SRRM4: variants seen among roughly 807,000 people sequenced by gnomAD.
SRRM4 encodes the protein serine/arginine repetitive matrix protein 4.
SRRM4 carries 33 observed loss-of-function variants against 68.9 expected under a neutral mutation model. That is an observed-to-expected ratio of 0.48 (90% CI 0.36 to 0.64). The LOEUF (loss-of-function observed/expected upper bound fraction) is 0.64. SRRM4 is among the 30% of genes least tolerant of loss of function. SRRM4 has a pLI of 0.00. For synonymous variants in SRRM4, 318 were observed against 318.8 expected, an observed-to-expected ratio of 1.00 and a Z score of 0.03; for missense variants, 817 against 827.1, an observed-to-expected ratio of 0.99 and a Z score of 0.15.
intron 1 of SRRM4, among the ~76,000 whole-genome samples, chr12:119,042,293 AAGG>A (rs1953674806): frequency 6.6e-6 from 1 of 151,728 alleles, no homozygotes; most frequent in Non-Finnish European, 1.5e-5. Context: ...TGGGAGAGGA[AAGG>A]AGGAGGGGTC....
rs150481549 is a variant in SRRM4 at position 118,983,461 on chromosome 12, G to A, written c.131+1448G>A. Among the ~76,000 whole-genome samples, 597 of 152,322 alleles carry A rather than the reference G, an allele frequency of 3.9e-3. 2 individuals are homozygous for A. The highest frequency in any genetic ancestry group is 0.014 in the African/African-American group (564 of 41,562). On this transcript the variant is annotated intron_variant, in intron 1 of 12. Coordinates refer to ENST00000267260, the MANE Select transcript of SRRM4 (RefSeq NM_194286.4). The stretch of plus-strand genomic sequence containing the variant: ...TTAAAGGCTGATGCTTCTCTGCTCC[G>A]AAGGAGGTTCTGTGTATAGAGTTTT...
intron 1 of SRRM4, among the ~76,000 whole-genome samples, chr12:119,016,008 A>G (rs746125091): frequency 2.0e-5 from 3 of 152,066 alleles, no homozygotes; most frequent in Non-Finnish European, 4.4e-5. Flanking sequence ...ATTAGTTAAG[A>G]TGAGGTCACA....
At chr12:119,040,434 T>C (rs1034008925) in intron 1 of SRRM4, among the ~76,000 whole-genome samples, 1 of 152,316 alleles carries the variant, frequency 6.6e-6, no homozygotes, top group South Asian at 2.1e-4. Flanking sequence ...CACATATCAG[T>C]GAGAACATAT....
In SRRM4 at chr12:119,133,025, A is replaced by G. The variant is rs147510417; in HGVS notation, c.771+2191A>G. On this transcript the variant is annotated intron_variant, in intron 8 of 12. Transcript: ENST00000267260. Reference sequence around the variant, plus strand: ...TCAGAAGGCAGCTGTTGAGCCCAGTACTTGATACAGGTGCAAAACTTGACA... The same window carrying G: ...TCAGAAGGCAGCTGTTGAGCCCAGTGCTTGATACAGGTGCAAAACTTGACA... The G allele has an allele frequency of 2.2e-4, 33 of 152,320 alleles. No individual in the cohort carries two copies. In the East Asian group the frequency reaches 6.4e-3, roughly 29 times the overall value. The allele number at this position is 152,320 out of a possible 1,614,324, so 9.4% of individuals were successfully genotyped here. A position where few individuals can be genotyped will look rare whatever the true frequency, so the allele number is the denominator to read the frequency against.
At chr12:119,155,407 A>C (rs1954465572) in intron 12 of SRRM4, among the ~76,000 whole-genome samples, 1 of 152,228 alleles carries the variant, frequency 6.6e-6, no homozygotes, top group African/African-American at 2.4e-5. Context: ...TGTTTCCCAG[A>C]TAGCAAGGCT....
At chr12:119,156,470 T>C (rs1592919921) in intron 12 of SRRM4, 25 bp from the exon 13 acceptor site, 1 of 1,566,842 alleles carries the variant, frequency 6.4e-7, no homozygotes, top group South Asian at 1.2e-5. Flanking sequence ...CCGGCCCTCA[T>C]CCCTCCTCTC....
intron 8 of SRRM4, among the ~76,000 whole-genome samples, chr12:119,145,136 A>G (rs1266645418): frequency 6.6e-6 from 1 of 151,688 alleles, no homozygotes; most frequent in Non-Finnish European, 1.5e-5. Context: ...TCTGAATCGC[A>G]TGCTTTTTCT....
At chr12:119,064,870 G>GA (rs1953835893) in intron 1 of SRRM4, among the ~76,000 whole-genome samples, 1 of 151,970 alleles carries the variant, frequency 6.6e-6, no homozygotes, top group Non-Finnish European at 1.5e-5. Flanking sequence ...GTATTGTCAG[G>GA]AAAAAACACA....
intron 1 of SRRM4, among the ~76,000 whole-genome samples, chr12:119,012,417 A>C (rs1334537101): frequency 1.3e-5 from 2 of 152,194 alleles, no homozygotes; most frequent in Non-Finnish European, 2.9e-5. Context: ...TCAGAGACAA[A>C]GCTTTCTGTG....
At chr12:119,023,346 C>T (rs1468277460) in intron 1 of SRRM4, among the ~76,000 whole-genome samples, 1 of 152,170 alleles carries the variant, frequency 6.6e-6, no homozygotes, top group African/African-American at 2.4e-5. Context: ...CAGCTTAGTA[C>T]CTGAGAGGGA....
chr12:119,043,653 G>A (rs1360561469), intron 1 of SRRM4, among the ~76,000 whole-genome samples: 1 of 152,024 alleles, frequency 6.6e-6, no homozygotes, highest in Non-Finnish European at 1.5e-5. Flanking sequence ...AATAGATGTG[G>A]AGAGACAATG....
chr12:119,115,299 C>T (rs73213758), intron 3 of SRRM4, among the ~76,000 whole-genome samples: 11,330 of 152,060 alleles, frequency 0.075, 468 homozygotes, highest in Admixed American at 0.1. Flanking sequence ...ATTTTTTCTA[C>T]GTCCAATTCC....
intron 8 of SRRM4, among the ~76,000 whole-genome samples, chr12:119,136,746 T>G (rs926466884): frequency 8.5e-5 from 13 of 152,104 alleles, no homozygotes; most frequent in Middle Eastern, 3.2e-3. Context: ...CGGTGGGGAT[T>G]TCTGAGAACA....
intron 1 of SRRM4, among the ~76,000 whole-genome samples, chr12:118,998,754 A>G (rs1230410427): frequency 6.6e-6 from 1 of 152,252 alleles, no homozygotes; most frequent in Non-Finnish European, 1.5e-5. Flanking sequence ...TAGAAATGTC[A>G]ATAGAGAAAC....
chr12:119,062,112 T>C (rs1305267349), intron 1 of SRRM4, among the ~76,000 whole-genome samples: 1 of 152,250 alleles, frequency 6.6e-6, no homozygotes, highest in Non-Finnish European at 1.5e-5. Flanking sequence ...AGCATGTTAC[T>C]ATACTGAATT....
At chr12:119,065,437 T>C (rs1953839790) in intron 1 of SRRM4, among the ~76,000 whole-genome samples, 2 of 152,062 alleles carry the variant, frequency 1.3e-5, no homozygotes, top group Non-Finnish European at 2.9e-5. Flanking sequence ...GAGTAGGAGT[T>C]TAAAAAAATC....
At chr12:119,019,956 C>CT (rs1265869817) in intron 1 of SRRM4, among the ~76,000 whole-genome samples, 4 of 79,316 alleles carry the variant, frequency 5.0e-5, no homozygotes, top group African/African-American at 1.2e-4. Flanking sequence ...CGCTCCCCCC[C>CT]CCCCCAAAAA....
chr12:119,059,259 T>TATTCATTC (rs139267945), intron 1 of SRRM4, among the ~76,000 whole-genome samples: 2 of 152,064 alleles, frequency 1.3e-5, no homozygotes, highest in East Asian at 1.9e-4. Context: ...ATGCTGCTTT[T>TATTCATTC]ATTCATTCAT....
chr12:119,037,439 A>G (rs953540645), intron 1 of SRRM4, among the ~76,000 whole-genome samples: 1 of 152,076 alleles, frequency 6.6e-6, no homozygotes, highest in Non-Finnish European at 1.5e-5. Flanking sequence ...TGAGGATTGG[A>G]TTTCTGTTGA....
Sources: allele counts gnomAD v4.1 joint callset (sites outside exome capture counted in the v4.1 genomes callset), GRCh38; gene constraint gnomAD v4.1.1; transcripts MANE v1.5; gene names NCBI Gene and HGNC (gene_info 2026-07-23, HGNC 2026-07-21).